CYB5R3: variants seen among roughly 807,000 people sequenced by gnomAD.
CYB5R3 encodes NADH-cytochrome b5 reductase 3.
Under a neutral mutation model 36.5 loss-of-function variants are expected in CYB5R3, and 28 were observed. That is an observed-to-expected ratio of 0.77 (90% CI 0.57 to 1.05). CYB5R3 has a LOEUF of 1.05. Ranked by LOEUF, CYB5R3 falls within the 50% of genes least tolerant of loss-of-function variation. The probability of loss-of-function intolerance (pLI) is 0.00; values close to 1 mark genes in which losing one functional copy is unlikely to be tolerated. For synonymous variants in CYB5R3, 181 were observed against 159.8 expected, an observed-to-expected ratio of 1.13 and a Z score of -1.00; for missense variants, 474 against 408.9, an observed-to-expected ratio of 1.16 and a Z score of -1.37.
intron 2 of CYB5R3, among the ~76,000 whole-genome samples, chr22:42,635,004 C>G (rs1164870043): frequency 6.9e-6 from 1 of 144,462 alleles, no homozygotes; most frequent in Non-Finnish European, 1.5e-5. Flanking sequence ...CGGAGTCTTG[C>G]TGTCACCCAG....
At chr22:42,623,692 G>T in intron 8 of CYB5R3, 97 bp downstream of exon 8, 1 of 1,005,240 alleles carries the variant, frequency 9.9e-7, no homozygotes, top group Non-Finnish European at 1.6e-6. Flanking sequence ...GTGAGTGCCA[G>T]ATGTCGTCCA....
At chr22:42,646,951 G>C in intron 1 of CYB5R3, 1 of 985,602 alleles carries the variant, frequency 1.0e-6, no homozygotes, top group Non-Finnish European at 1.2e-6. Context: ...CCACAGTTCA[G>C]GATGGCAGAC....
intron 8 of CYB5R3, among the ~76,000 whole-genome samples, chr22:42,622,354 ATAATTTAC>A (rs1172480289): frequency 1.3e-5 from 2 of 151,934 alleles, no homozygotes; most frequent in Non-Finnish European, 2.9e-5. Flanking sequence ...TAACCGCGCT[ATAATTTAC>A]TAAGAAACCT....
intron 1 of CYB5R3, chr22:42,640,365 A>AT (rs1929190451): frequency 1.8e-6 from 1 of 555,716 alleles, no homozygotes; most frequent in Non-Finnish European, 2.5e-6. Context: ...TTATTTATTT[A>AT]TTTATTTATT....
Position 42,619,003 on chromosome 22 carries a change from G to A in CYB5R3, c.*770C>T, listed in dbSNP as rs8190471. 7.2e-5 allele frequency: 11 copies of A among 152,558 alleles called. No homozygotes were observed. The highest frequency in any genetic ancestry group is 2.4e-4 in the African/African-American group (10 of 41,458). 9.5% of individuals were successfully genotyped at this position (152,558 alleles called of 1,614,324 possible). On this transcript the variant is annotated 3_prime_UTR_variant, in exon 9 of 9. Coordinates refer to ENST00000352397, the MANE Select transcript of CYB5R3 (RefSeq NM_000398.7). Reference sequence around the variant, plus strand: ...GGGAAGGAGGGGACGGTTTAGGACAGAGGAATAAATACATGTGGTTGTGGG... The same window carrying A: ...GGGAAGGAGGGGACGGTTTAGGACAAAGGAATAAATACATGTGGTTGTGGG...
At chr22:42,633,086 T>A (rs531291283) in intron 2 of CYB5R3, 1 of 152,398 alleles carries the variant, frequency 6.6e-6, no homozygotes, top group South Asian at 2.1e-4. Context: ...CAACCTCTAG[T>A]AGGGCAGCAG....
In CYB5R3 at chr22:42,630,942, G is replaced by A; in HGVS notation, c.273C>T (p.Val91=). The change falls in exon 4 of 9, where the codon GTC becomes GTT. Residue 91 remains valine, a synonymous_variant. Coordinates refer to ENST00000352397, the MANE Select transcript of CYB5R3 (RefSeq NM_000398.7). The part of the protein sequence containing the change: ...LSARIDGNLV[V]RPYTPISSDD... ...CGCTGGAGATGGGTGTATAGGGCCGGACGACCAGGTTTCCATCAATTCGAG... is the reference window on the plus strand; with the variant it reads ...CGCTGGAGATGGGTGTATAGGGCCGAACGACCAGGTTTCCATCAATTCGAG... The A allele has an allele frequency of 6.2e-7, 1 of 1,614,064 alleles. No individual in the cohort carries two copies. Among genetic ancestry groups the A allele is most frequent in the Non-Finnish European group, 8.5e-7 (1 of 1,179,998 alleles).
rs1010515471 is a variant in CYB5R3 at position 42,619,022 on chromosome 22, T to C, written c.*751A>G. On this transcript the variant is annotated 3_prime_UTR_variant, in exon 9 of 9. Coordinates refer to ENST00000352397, the MANE Select transcript of CYB5R3 (RefSeq NM_000398.7). ...AGGACAGAGGAATAAATACATGTGG[T>C]TGTGGGAGTTCTGCCATCAGGGATG... 6.6e-6 allele frequency: 1 copy of C among 152,416 alleles called. No individual in the cohort carries two copies. Among genetic ancestry groups the C allele is most frequent in the East Asian group, 1.9e-4 (1 of 5,178 alleles). The allele number at this position is 152,416 out of a possible 1,614,324, so 9.4% of individuals were successfully genotyped here.
chr22:42,623,095 A>G (rs535138443), intron 8 of CYB5R3, among the ~76,000 whole-genome samples: 1 of 152,332 alleles, frequency 6.6e-6, no homozygotes, highest in South Asian at 2.1e-4. Context: ...CTGAAGCTAA[A>G]CATCACCAGA....
At chr22:42,646,334 C>T (rs1929535912) in intron 1 of CYB5R3, among the ~76,000 whole-genome samples, 1 of 152,184 alleles carries the variant, frequency 6.6e-6, no homozygotes, top group Non-Finnish European at 1.5e-5. Flanking sequence ...GAACCCATCA[C>T]CCGCCTCTCC....
At chr22:42,623,024 C>T (rs539010241) in intron 8 of CYB5R3, among the ~76,000 whole-genome samples, 14 of 152,232 alleles carry the variant, frequency 9.2e-5, no homozygotes, top group Admixed American at 1.3e-4. Flanking sequence ...GCTGTGTCCT[C>T]CGGACCAGGC....
rs1927835549 is a variant in CYB5R3, at chr22:42,619,503, C to T, written c.*270G>A. 3.7e-6 allele frequency: 2 copies of T among 534,930 alleles called. No individual in the cohort carries two copies. The highest frequency in any genetic ancestry group is 3.8e-5 in the African/African-American group (2 of 52,410). 33.1% of individuals were successfully genotyped at this position (534,930 alleles called of 1,614,324 possible). On this transcript the variant is annotated 3_prime_UTR_variant, in exon 9 of 9. Transcript: ENST00000352397. ...TGTGTGTGGGGGGTGGACGAGGGGT[C>T]ATGAGGACAGGGATGGGGCTGGGCG...
chr22:42,638,362 C>T (rs909484530), intron 1 of CYB5R3, among the ~76,000 whole-genome samples: 24 of 137,716 alleles, frequency 1.7e-4, no homozygotes, highest in Non-Finnish European at 2.9e-4. Flanking sequence ...TGCCATTGCA[C>T]TCCAGCCTGG....
chr22:42,625,966 G>C (rs1190027035), intron 7 of CYB5R3, among the ~76,000 whole-genome samples: 1 of 152,142 alleles, frequency 6.6e-6, no homozygotes, highest in Non-Finnish European at 1.5e-5. Flanking sequence ...GACATTCCAA[G>C]GTTTGCAAAA....
At chr22:42,621,181 T>TGTGTGTG (rs1206839780) in intron 8 of CYB5R3, among the ~76,000 whole-genome samples, 3 of 127,972 alleles carry the variant, frequency 2.3e-5, no homozygotes, top group African/African-American at 3.3e-5. Flanking sequence ...CGATTTCTTT[T>TGTGTGTG]TAGTGTGTGT....
At position 42,626,477 on chromosome 22, in the gene CYB5R3, G is replaced by A. The variant is rs373237089; in HGVS notation, c.633+827C>T. Among the ~76,000 whole-genome samples, 38 of 152,272 alleles carry A rather than the reference G, an allele frequency of 2.5e-4. No individual in the cohort carries two copies. The East Asian group carries it at 2.7e-3, about 11-fold the overall frequency. On this transcript the variant is annotated intron_variant, in intron 7 of 8. Transcript: ENST00000352397. ...AGATGGCCTGTACAGGTGACAGACG[G>A]TCTGACGGCCTCCACAGACTCTGAA...
Position 42,619,488 on chromosome 22 carries a change from G to C in CYB5R3, c.*285C>G. 2.0e-6 allele frequency: 1 copy of C among 498,588 alleles called. No homozygotes were observed. Among genetic ancestry groups the C allele is most frequent in the South Asian group, 2.3e-5 (1 of 44,262 alleles). The allele number at this position is 498,588 out of a possible 1,614,324, so 30.9% of individuals were successfully genotyped here. A position where few individuals can be genotyped will look rare whatever the true frequency, so the allele number is the denominator to read the frequency against. ...CCCTCAGCCTTATAGTGTGTGTGGG[G>C]GGTGGACGAGGGGTCATGAGGACAG... On this transcript the variant is annotated 3_prime_UTR_variant, in exon 9 of 9. Coordinates refer to ENST00000352397, the MANE Select transcript of CYB5R3 (RefSeq NM_000398.7).
Position 42,627,322 on chromosome 22 carries a change from G to A in CYB5R3, c.615C>T (p.His205=), listed in dbSNP as rs769803907. 6.2e-7 allele frequency: 1 copy of A among 1,614,002 alleles called. No individual in the cohort carries two copies. Among genetic ancestry groups the A allele is most frequent in the African/African-American group, 1.3e-5 (1 of 75,072 alleles). The part of the protein sequence containing the change: ...MKDPDDHTVC[H]LLFANQTEKD... ...CACTGACCTGGTTGGCAAAGAGCAGGTGGCACACAGTGTGGTCATCAGGGT... is the reference window on the plus strand; with the variant it reads ...CACTGACCTGGTTGGCAAAGAGCAGATGGCACACAGTGTGGTCATCAGGGT... The change falls in exon 7 of 9, where the codon CAC becomes CAT. Residue 205 remains histidine, a synonymous_variant. Coordinates refer to ENST00000352397, the MANE Select transcript of CYB5R3 (RefSeq NM_000398.7).
rs749586395 is a variant in CYB5R3, at chr22:42,619,782, G to A, written c.897C>T (p.Phe299=). The change falls in exon 9 of 9, where the codon TTC becomes TTT. Residue 299 remains phenylalanine, a synonymous_variant. Transcript: ENST00000352397. The part of the protein sequence containing the change: ...DHVGHPTERC[F]VF ...TGACCGTGCCCGGCCCTCAGAAGAC[G>A]AAGCAGCGCTCCGTGGGGTGGCCCA... 1.1e-5 allele frequency: 18 copies of A among 1,583,646 alleles called. No individual in the cohort carries two copies. Among genetic ancestry groups the A allele is most frequent in the African/African-American group, 4.0e-5 (3 of 74,656 alleles).
Sources: allele counts gnomAD v4.1 joint callset (sites outside exome capture counted in the v4.1 genomes callset), GRCh38; gene constraint gnomAD v4.1.1; transcripts MANE v1.5; gene names NCBI Gene and HGNC (gene_info 2026-07-23, HGNC 2026-07-21).